Variants in DCAKD observed in about 807,000 individuals in gnomAD.
The protein encoded by DCAKD is dephospho-CoA kinase domain containing, also known as dephospho-CoA kinase domain-containing protein.
A neutral mutation model predicts 18.7 loss-of-function variants in DCAKD; 15 were observed. The ratio of observed to expected loss-of-function variants is 0.80; its 90% CI spans 0.54 to 1.24. The LOEUF (loss-of-function observed/expected upper bound fraction) is 1.24, where lower values mean the gene tolerates loss of function less well. Ranked by LOEUF, DCAKD falls within the 50% of genes most tolerant of loss-of-function variation. The pLI is 0.00. For missense variants in DCAKD, 301 were observed against 322.0 expected, an observed-to-expected ratio of 0.93 and a Z score of 0.50; for synonymous variants, 130 against 133.0, an observed-to-expected ratio of 0.98 and a Z score of 0.16.
intron 1 of DCAKD, among the ~76,000 whole-genome samples, chr17:45,057,046 C>A (rs957248443): frequency 2.0e-5 from 3 of 152,032 alleles, no homozygotes; most frequent in Non-Finnish European, 4.4e-5. Context: ...GGATTACAGG[C>A]GTGAGCCACT....
chr17:45,031,350 AC>A, intron 3 of DCAKD: 1 of 985,112 alleles, frequency 1.0e-6, no homozygotes, highest in Non-Finnish European at 1.2e-6. Flanking sequence ...CTCTGATGAC[AC>A]ACCTTGGTTG....
At chr17:45,038,410 G>A (rs1321586807) in intron 1 of DCAKD, among the ~76,000 whole-genome samples, 2 of 152,178 alleles carry the variant, frequency 1.3e-5, no homozygotes, top group Admixed American at 6.6e-5. Context: ...CCAGAGAAGG[G>A]AGGGGACTTC....
intron 1 of DCAKD, among the ~76,000 whole-genome samples, chr17:45,060,531 G>GAAAGA (rs552408393): frequency 2.0e-5 from 3 of 151,948 alleles, no homozygotes; most frequent in Non-Finnish European, 4.4e-5. Flanking sequence ...AAGAAAGAAA[G>GAAAGA]AAAGAAAAGA....
chr17:45,025,009 C>CTTT lies in DCAKD; in HGVS notation c.405-288_405-286dup, dbSNP rs747194341. ...CAAGGGGGGAACTTTGGCCACAGCT[C>CTTT]TTTTTTTTTTTTTTTTTTTTGCCAT... On this transcript the variant is annotated intron_variant, in intron 4 of 4. Transcript: ENST00000651974. 1.8e-3 allele frequency among the ~76,000 whole-genome samples: 202 copies of CTTT among 113,250 alleles called. 4 individuals carry two copies. The highest frequency in any genetic ancestry group is 2.3e-3 in the Non-Finnish European group (132 of 57,056). 74.3% of individuals were successfully genotyped at this position (113,250 alleles called of 152,430 possible).
In DCAKD at chr17:45,034,834, T is replaced by C. The variant is rs1343049160; in HGVS notation, c.52A>G (p.Ile18Val). The C allele has an allele frequency of 3.1e-6, 5 of 1,614,154 alleles. No homozygotes were observed. The African/African-American group carries it at 5.3e-5, about 17-fold the overall frequency. ...CAGCCCAGCTGCTGGAACACCTGGA[T>C]CACTGAGCTCTTGCCTGAGGCAATG... ...GGIASGKSSV[I>V]QVFQQLGCAV... Residue 18 changes from isoleucine (I) to valine (V), a missense_variant, in exon 2 of 5, where the codon ATC becomes GTC. By Grantham distance (29) the Ile-to-Val change is conservative. Transcript: ENST00000651974.
chr17:45,053,989 C>A (rs1225482264), upstream of DCAKD: 10 of 489,974 alleles, frequency 2.0e-5, no homozygotes, highest in Non-Finnish European at 4.1e-5. Context: ...GTGCCCTGCA[C>A]AGTAGGGATT....
At chr17:45,039,540 A>G (rs2053380451) in intron 1 of DCAKD, among the ~76,000 whole-genome samples, 1 of 152,232 alleles carries the variant, frequency 6.6e-6, no homozygotes, top group African/African-American at 2.4e-5. Context: ...CTGGAAGTGG[A>G]AAGTCCTGGG....
intron 1 of DCAKD, among the ~76,000 whole-genome samples, chr17:45,044,693 A>AATC (rs1567845798): frequency 0.038 from 384 of 10,110 alleles, 4 homozygotes; most frequent in Admixed American, 0.094. Flanking sequence ...CTCCATCAAT[A>AATC]AATAAATAAA....
Position 45,034,813 on chromosome 17 carries a change from C to G in DCAKD, c.73G>C (p.Gly25Arg). The G allele has an allele frequency of 6.2e-7, 1 of 1,614,226 alleles. No homozygotes were observed. The highest frequency in any genetic ancestry group is 8.5e-7 in the Non-Finnish European group (1 of 1,180,036). Reference sequence around the variant, plus strand: ...ACGTCCACGTCAATCACCGCACAGCCCAGCTGCTGGAACACCTGGATCACT... The same window carrying G: ...ACGTCCACGTCAATCACCGCACAGCGCAGCTGCTGGAACACCTGGATCACT... ...SSVIQVFQQL[G>R]CAVIDVDVMA... Residue 25 changes from glycine to arginine, a missense_variant, in exon 2 of 5, where the codon GGC (glycine) becomes CGC (arginine). Physicochemically the swap from Gly to Arg is moderately radical, Grantham distance 125 (BLOSUM62 -2). Coordinates refer to ENST00000651974, the MANE Select transcript of DCAKD (RefSeq NM_001288655.2).
chr17:45,054,061 T>C (rs1407540900), upstream of DCAKD: 1 of 518,122 alleles, frequency 1.9e-6, no homozygotes, highest in African/African-American at 1.9e-5. Context: ...CCCTGAAAGC[T>C]TTCTTCCTGA....
Position 45,024,188 on chromosome 17 carries a change from A to C in DCAKD, c.*245T>G. 2.0e-6 allele frequency: 1 copy of C among 496,490 alleles called. No individual in the cohort carries two copies. Among genetic ancestry groups the C allele is most frequent in the African/African-American group, 1.9e-5 (1 of 52,850 alleles). 30.8% of individuals were successfully genotyped at this position (496,490 alleles called of 1,614,324 possible). ...CTGTTCTGTAGGTGCTGCTCAGGGA[A>C]GGTGGGAAGGACAGCAGGCTATTTC... is the stretch of plus-strand genomic sequence containing the variant. On this transcript the variant is annotated 3_prime_UTR_variant, in exon 5 of 5. Coordinates refer to ENST00000651974, the MANE Select transcript of DCAKD (RefSeq NM_001288655.2).
intron 1 of DCAKD, among the ~76,000 whole-genome samples, chr17:45,042,871 T>C (rs1220880876): frequency 2.0e-5 from 3 of 152,200 alleles, no homozygotes; most frequent in Admixed American, 6.5e-5. Flanking sequence ...GTGTCCTCCC[T>C]GCTCCCTTTG....
At chr17:45,030,961 G>A (rs931503339) in intron 3 of DCAKD, 48 of 985,082 alleles carry the variant, frequency 4.9e-5, no homozygotes, top group Admixed American at 6.1e-5. Context: ...GAGCACATCC[G>A]TAGGCTGCTG....
chr17:45,057,250 C>T (rs116953690), intron 1 of DCAKD, among the ~76,000 whole-genome samples: 15,682 of 151,632 alleles, frequency 0.1, 930 homozygotes, highest in Middle Eastern at 0.18. Context: ...TCTATGTTGC[C>T]CAGGCAGGTC....
intron 1 of DCAKD, among the ~76,000 whole-genome samples, chr17:45,049,657 C>T (rs998246829): frequency 2.0e-5 from 3 of 146,764 alleles, no homozygotes; most frequent in Non-Finnish European, 4.5e-5. Context: ...GTGAAAGTTT[C>T]AATCTAAAGC....
At chr17:45,032,781 C>CA (rs552915127) in intron 3 of DCAKD, among the ~76,000 whole-genome samples, 57,266 of 138,202 alleles carry the variant, frequency 0.41, 11,912 homozygotes, top group Non-Finnish European at 0.46. Flanking sequence ...GACTCCATCT[C>CA]AAAAAAAAAA....
intron 1 of DCAKD, among the ~76,000 whole-genome samples, chr17:45,035,311 T>C (rs1409078903): frequency 6.6e-6 from 1 of 151,730 alleles, no homozygotes; most frequent in Non-Finnish European, 1.5e-5. Flanking sequence ...TGGAACCCCA[T>C]CTCTACTAAA....
chr17:45,048,443 G>C (rs1385295454), intron 1 of DCAKD, among the ~76,000 whole-genome samples: 1 of 152,120 alleles, frequency 6.6e-6, no homozygotes, highest in Admixed American at 6.6e-5. Flanking sequence ...TTTGAGACCT[G>C]CCTGGCCAAT....
At chr17:45,032,252 G>C in intron 3 of DCAKD, 1 of 399,728 alleles carries the variant, frequency 2.5e-6, no homozygotes, top group South Asian at 1.1e-4. Flanking sequence ...CTCTTCTTGA[G>C]GGAGGCAGGG....
Sources: gnomAD v4.1 joint callset for allele counts (sites outside exome capture counted in the v4.1 genomes callset) on GRCh38, gnomAD v4.1.1 for gene constraint, MANE v1.5 for transcripts, NCBI Gene and HGNC (gene_info 2026-07-23, HGNC 2026-07-21) for gene names.